The following OTP variants were observed in gnomAD, a reference collection of about 807,000 sequenced individuals.
OTP encodes orthopedia homeobox.
A neutral mutation model predicts 22.3 loss-of-function variants in OTP; 5 were observed. The ratio of observed to expected loss-of-function variants is 0.22; its 90% CI spans 0.12 to 0.47. The LOEUF is 0.47. Among genes scored for constraint, OTP ranks in the 20% least tolerant of loss-of-function variants. The pLI, the probability that OTP is intolerant of heterozygous loss-of-function variation, is 0.99. For missense variants in OTP, 428 were observed against 456.2 expected (o/e 0.94, Z 0.56); for synonymous variants, 229 against 210.6 (o/e 1.09, Z -0.76).
At chr5:77,634,462 T>C (rs1744977794) in intron 2 of OTP, among the ~76,000 whole-genome samples, 1 of 152,154 alleles carries the variant, frequency 6.6e-6, no homozygotes, top group South Asian at 2.1e-4. Context: ...TATTGGATAA[T>C]TTAGTCTAGA....
In OTP at chr5:77,637,011, G is replaced by A; in HGVS notation, c.257C>T (p.Pro86Leu). The A allele has an allele frequency of 1.2e-6, 2 of 1,613,140 alleles. No individual in the cohort carries two copies. The highest frequency in any genetic ancestry group is 1.7e-6 in the Non-Finnish European group (2 of 1,179,682). Reference sequence around the variant, plus strand: ...TTGGCTGGGGTTCGGGCCGCCCTGGGGCCCGGGCTGCTTGTCCGGGTCTTT... The same window carrying A: ...TTGGCTGGGGTTCGGGCCGCCCTGGAGCCCGGGCTGCTTGTCCGGGTCTTT... The part of the protein sequence containing the change: ...SAKDPDKQPG[P>L]QGGPNPSQAG... The change falls in exon 2 of 3, where the codon CCC (proline) becomes CTC (leucine). Residue 86 changes from proline (P) to leucine (L), a missense_variant. Transcript: ENST00000306422.
intron 2 of OTP, among the ~76,000 whole-genome samples, chr5:77,635,682 T>G (rs746178809): frequency 3.9e-5 from 6 of 152,184 alleles, no homozygotes; most frequent in Non-Finnish European, 5.9e-5. Context: ...GTAAAGTAAC[T>G]AAGATCTTAA....
At chr5:77,636,515 G>C in intron 2 of OTP, 2 of 360,672 alleles carry the variant, frequency 5.5e-6, no homozygotes. Context: ...CCGCCCGGGG[G>C]GGCGCTGAGG....
intron 1 of OTP, 64 bp from the exon 2 acceptor site, chr5:77,637,294 C>T: frequency 1.4e-6 from 2 of 1,447,202 alleles, no homozygotes; most frequent in East Asian, 5.0e-5. Flanking sequence ...CTGTCTTCCC[C>T]GCGCAGCCTT....
chr5:77,632,333 A>G (rs939447160), intron 2 of OTP, among the ~76,000 whole-genome samples: 5 of 152,228 alleles, frequency 3.3e-5, no homozygotes, highest in African/African-American at 1.2e-4. Context: ...TGCAGTTTAA[A>G]ATCTGGTCAT....
rs1309544359 is a variant in OTP, at chr5:77,630,431, G to A, written c.811C>T (p.Pro271Ser). The change falls in exon 3 of 3, where the codon CCC (proline) becomes TCC (serine). Residue 271 changes from proline (P) to serine (S), a missense_variant. Pro to Ser is a moderately conservative substitution (Grantham distance 74). This residue lies in a region of OTP where 236 missense variants were observed against 238.1 expected (regional missense o/e 0.99). Coordinates refer to ENST00000306422, the MANE Select transcript of OTP (RefSeq NM_032109.3). ...GAGLQSHLYQ[P>S]AFPGMVPASL... is the part of the protein sequence containing the mutation. ...GCGGGCACCATGCCGGGGAAGGCGG[G>A]CTGGTAGAGGTGCGACTGCAGCCCC... is the stretch of plus-strand genomic sequence containing the variant. The A allele has an allele frequency of 1.9e-6, 3 of 1,580,940 alleles. No homozygotes were observed. The highest frequency in any genetic ancestry group is 2.3e-5 in the South Asian group (2 of 86,812).
intron 2 of OTP, among the ~76,000 whole-genome samples, chr5:77,631,916 G>C (rs963736352): frequency 1.1e-4 from 17 of 152,072 alleles, no homozygotes; most frequent in African/African-American, 4.1e-4. Flanking sequence ...AAGGCCTCCA[G>C]TTCCCTCAAG....
Position 77,630,432 on chromosome 5 carries a change from C to A in OTP, c.810G>T (p.Gln270His). Residue 270 changes from glutamine (Q) to histidine (H), a missense_variant, in exon 3 of 3, where the codon CAG (glutamine) becomes CAT (histidine). Gln to His is a conservative substitution (Grantham distance 24). Transcript: ENST00000306422. ...NGAGLQSHLY[Q>H]PAFPGMVPAS... The stretch of plus-strand genomic sequence containing the variant: ...CGGGCACCATGCCGGGGAAGGCGGG[C>A]TGGTAGAGGTGCGACTGCAGCCCCG... 1 of 1,581,146 alleles carries A rather than the reference C, an allele frequency of 6.3e-7. No individual in the cohort carries two copies. Among genetic ancestry groups the A allele is most frequent in the Non-Finnish European group, 8.6e-7 (1 of 1,165,550 alleles).
Position 77,630,315 on chromosome 5 carries a change from G to C in OTP, c.927C>G (p.Ala309=). The change falls in exon 3 of 3, where the codon GCC becomes GCG. Residue 309 remains alanine (A), a synonymous_variant. Coordinates refer to ENST00000306422, the MANE Select transcript of OTP (RefSeq NM_032109.3). ...SSDVWRGTSI[A]SLRRKALEHT... ...GCTCTAGCGCCTTGCGGCGGAGGGA[G>C]GCGATGCTGGTGCCCCGCCACACGT... The C allele has an allele frequency of 1.3e-6, 2 of 1,565,554 alleles. No homozygotes were observed. Among genetic ancestry groups the C allele is most frequent in the Non-Finnish European group, 1.7e-6 (2 of 1,159,020 alleles).
At position 77,630,654 on chromosome 5, in the gene OTP, G is replaced by C. The variant is rs368862933; in HGVS notation, c.588C>G (p.Gly196=). ...TGGCGTGGAAAGAGCACAGGCTGTCGCCCATGGCGGCGGCAGCGGCGGCGG... is the reference window on the plus strand; with the variant it reads ...TGGCGTGGAAAGAGCACAGGCTGTCCCCCATGGCGGCGGCAGCGGCGGCGG... ...SAAAAAAAAM[G]DSLCSFHAND... is the part of the protein sequence containing the mutation. The change falls in exon 3 of 3, where the codon GGC becomes GGG. Residue 196 remains glycine (G), a synonymous_variant. Coordinates refer to ENST00000306422, the MANE Select transcript of OTP (RefSeq NM_032109.3). 2,002 of 1,577,100 alleles carry C rather than the reference G, an allele frequency of 1.3e-3. 2 individuals carry two copies. The highest frequency in any genetic ancestry group is 1.5e-3 in the Non-Finnish European group (1,798 of 1,169,272).
rs760852640 is a variant in OTP at position 77,637,190 on chromosome 5, C to G, written c.78G>C (p.Ala26=). 2.6e-6 allele frequency: 4 copies of G among 1,551,460 alleles called. No individual in the cohort carries two copies. The highest frequency in any genetic ancestry group is 2.3e-5 in the East Asian group (1 of 42,680). Residue 26 remains alanine (A), a synonymous_variant, in exon 2 of 3, where the codon GCG becomes GCC. Coordinates refer to ENST00000306422, the MANE Select transcript of OTP (RefSeq NM_032109.3). ...DAAELLGHRE[A]VKCRLGVGGS... ...CCCCCACGCCCAGCCTACACTTCAC[C>G]GCCTCCCGGTGGCCCAGAAGCTCGG...
rs771397213 is a variant in OTP, at chr5:77,638,596, G to T, written c.-47C>A. The T allele has an allele frequency of 6.6e-7, 1 of 1,514,328 alleles. No individual in the cohort carries two copies. The highest frequency in any genetic ancestry group is 8.8e-7 in the Non-Finnish European group (1 of 1,132,468). 93.8% of individuals were successfully genotyped at this position (1,514,328 alleles called of 1,614,324 possible). On this transcript the variant is annotated 5_prime_UTR_variant, in exon 1 of 3. Transcript: ENST00000306422. The stretch of plus-strand genomic sequence containing the variant: ...AGCTGTTCCCCCCCAAATTTTAGCG[G>T]CTTTAAGTTATTTAAAATAGATATA...
intron 2 of OTP, 65 bp downstream of exon 2, chr5:77,636,756 C>T (rs1745013717): frequency 1.3e-6 from 2 of 1,498,606 alleles, no homozygotes; most frequent in African/African-American, 1.4e-5. Context: ...GAAGACCCTG[C>T]TCCCTTTGCC....
At chr5:77,631,068 A>G (rs1193660647) in intron 2 of OTP, among the ~76,000 whole-genome samples, 1 of 152,230 alleles carries the variant, frequency 6.6e-6, no homozygotes, top group Admixed American at 6.5e-5. Context: ...CAAACACACC[A>G]AATGTGTGCA....
At position 77,633,479 on chromosome 5, in the gene OTP, C is replaced by A. The variant is rs190337929; in HGVS notation, c.448-2685G>T. Among the ~76,000 whole-genome samples, 8 of 152,242 alleles carry A rather than the reference C, an allele frequency of 5.3e-5. No individual in the cohort carries two copies. In the East Asian group the frequency reaches 1.2e-3, roughly 22 times the overall value. ...AACTAGAGCATGACGGATTAAAATG[C>A]AGGCAAAACCTAAGGGAGATTTTTA... On this transcript the variant is annotated intron_variant, in intron 2 of 2. Coordinates refer to ENST00000306422, the MANE Select transcript of OTP (RefSeq NM_032109.3).
Position 77,630,714 on chromosome 5 carries a change from C to G in OTP, c.528G>C (p.Leu176=). 1 of 1,582,344 alleles carries G rather than the reference C, an allele frequency of 6.3e-7. No individual in the cohort carries two copies. The highest frequency in any genetic ancestry group is 8.5e-7 in the Non-Finnish European group (1 of 1,173,164). ...TNVFRAPGTL[L]PTPGLPQFPS... The stretch of plus-strand genomic sequence containing the variant: ...GGAACTGAGGCAGGCCTGGCGTGGG[C>G]AGCAGTGTGCCGGGCGCACGGAACA... The change falls in exon 3 of 3, where the codon CTG becomes CTC. Residue 176 remains leucine (L), a synonymous_variant. Coordinates refer to ENST00000306422, the MANE Select transcript of OTP (RefSeq NM_032109.3).
intron 2 of OTP, among the ~76,000 whole-genome samples, chr5:77,634,420 G>A (rs1744977228): frequency 6.6e-6 from 1 of 152,076 alleles, no homozygotes; most frequent in African/African-American, 2.4e-5. Flanking sequence ...TTAAAAGTGT[G>A]ATATATACCA....
intron 1 of OTP, among the ~76,000 whole-genome samples, chr5:77,637,640 C>T (rs937508233): frequency 2.0e-5 from 3 of 152,200 alleles, no homozygotes; most frequent in African/African-American, 7.2e-5. Context: ...GCGGCACCTG[C>T]GCTTCGGCAG....
At chr5:77,633,184 T>C (rs1561246032) in intron 2 of OTP, among the ~76,000 whole-genome samples, 1 of 152,106 alleles carries the variant, frequency 6.6e-6, no homozygotes, top group Non-Finnish European at 1.5e-5. Context: ...AGAATTTCAA[T>C]AGAAAATGTG....
Sources: allele counts gnomAD v4.1 joint callset (sites outside exome capture counted in the v4.1 genomes callset), GRCh38; gene constraint gnomAD v4.1.1; regional missense constraint gnomAD v4.1.1; transcripts MANE v1.5; gene names NCBI Gene and HGNC (gene_info 2026-07-23, HGNC 2026-07-21).